Variants in B3GALT1 observed in about 807,000 individuals in gnomAD.
B3GALT1 encodes beta-1,3-galactosyltransferase 1.
A neutral mutation model predicts 23.2 loss-of-function variants in B3GALT1; 10 were observed. That is an observed-to-expected ratio of 0.43 (90% CI 0.27 to 0.73). The LOEUF (loss-of-function observed/expected upper bound fraction) is 0.73. Among genes scored for constraint, B3GALT1 ranks in the 30% least tolerant of loss-of-function variants. B3GALT1 has a pLI of 0.21. For synonymous variants in B3GALT1, 156 were observed against 141.5 expected, an observed-to-expected ratio of 1.10 and a Z score of -0.73; for missense variants, 299 against 405.4, an observed-to-expected ratio of 0.74 and a Z score of 2.25.
chr2:167,408,803 A>AC (rs1262828425), intron 1 of B3GALT1, among the ~76,000 whole-genome samples: 13 of 81,724 alleles, frequency 1.6e-4, no homozygotes, highest in Admixed American at 6.9e-4. Context: ...GTATACAAAA[A>AC]AAAAAAAAAA....
intron 2 of B3GALT1, among the ~76,000 whole-genome samples, chr2:167,583,316 G>C (rs1684521742): frequency 1.3e-5 from 2 of 152,044 alleles, no homozygotes; most frequent in African/African-American, 4.8e-5. Flanking sequence ...CTGCAAAAAA[G>C]CATCTTCTCT....
chr2:167,424,796 T>C (rs1421495963), intron 1 of B3GALT1, among the ~76,000 whole-genome samples: 1 of 152,194 alleles, frequency 6.6e-6, no homozygotes, highest in Non-Finnish European at 1.5e-5. Context: ...ATAACAATCA[T>C]AGAAGACTTA....
chr2:167,692,222 A>G (rs1010528854), intron 3 of B3GALT1, among the ~76,000 whole-genome samples: 2 of 151,938 alleles, frequency 1.3e-5, no homozygotes, highest in Non-Finnish European at 2.9e-5. Context: ...GTGGATATAT[A>G]ACATCATATA....
chr2:167,546,203 C>T (rs536500988), intron 2 of B3GALT1, among the ~76,000 whole-genome samples: 2 of 152,288 alleles, frequency 1.3e-5, no homozygotes, highest in African/African-American at 4.8e-5. Flanking sequence ...GCAGAGCTTC[C>T]AGTCACCTTC....
intron 1 of B3GALT1, among the ~76,000 whole-genome samples, chr2:167,339,582 A>G (rs1224826640): frequency 3.3e-5 from 5 of 152,122 alleles, no homozygotes; most frequent in African/African-American, 1.2e-4. Context: ...ATAAACATTT[A>G]CTTTTTAAGG....
At chr2:167,756,649 G>A (rs374325435) in intron 3 of B3GALT1, among the ~76,000 whole-genome samples, 4 of 152,260 alleles carry the variant, frequency 2.6e-5, no homozygotes, top group Non-Finnish European at 4.4e-5. Flanking sequence ...CTAAGCTTCC[G>A]GGGGTGGATA....
intron 1 of B3GALT1, among the ~76,000 whole-genome samples, chr2:167,320,301 T>G (rs1202575906): frequency 6.6e-6 from 1 of 151,732 alleles, no homozygotes; most frequent in Non-Finnish European, 1.5e-5. Context: ...GAGATTCTCC[T>G]GCCTCAGCCT....
chr2:167,342,551 C>T (rs1000979485), intron 1 of B3GALT1, among the ~76,000 whole-genome samples: 6 of 150,534 alleles, frequency 4.0e-5, no homozygotes, highest in Non-Finnish European at 7.4e-5. Context: ...GACTGTGCCA[C>T]TGCACTCCAG....
At chr2:167,364,030 G>A (rs967070519) in intron 1 of B3GALT1, among the ~76,000 whole-genome samples, 8 of 152,000 alleles carry the variant, frequency 5.3e-5, no homozygotes, top group African/African-American at 1.4e-4. Flanking sequence ...CAGGCATGGC[G>A]GCTGGCACCT....
intron 2 of B3GALT1, among the ~76,000 whole-genome samples, chr2:167,644,779 T>TAA (rs199652424): frequency 0.013 from 1,176 of 91,132 alleles, 24 homozygotes; most frequent in African/African-American, 0.05. Flanking sequence ...GACTCTGTCT[T>TAA]AAAAAAAAAA....
intron 2 of B3GALT1, among the ~76,000 whole-genome samples, chr2:167,575,253 T>C (rs1374928172): frequency 1.3e-5 from 2 of 151,944 alleles, no homozygotes; most frequent in African/African-American, 4.8e-5. Context: ...GATTCAGTTG[T>C]CAAATACTGA....
In B3GALT1 at chr2:167,320,650, A is replaced by G. The variant is rs550483269; in HGVS notation, c.-511+27316A>G. Among the ~76,000 whole-genome samples, 4 of 152,264 alleles carry G rather than the reference A, an allele frequency of 2.6e-5. No individual in the cohort carries two copies. The East Asian group carries it at 7.7e-4, about 29-fold the overall frequency. On this transcript the variant is annotated intron_variant, in intron 1 of 4. Transcript: ENST00000392690. Reference sequence around the variant, plus strand: ...CCCTCACCCCAGTTCATAGAAGCATAAAAACATTTTTAAGGCACTTGAAGT... The same window carrying G: ...CCCTCACCCCAGTTCATAGAAGCATGAAAACATTTTTAAGGCACTTGAAGT...
chr2:167,450,102 T>C (rs1181715090), intron 1 of B3GALT1, among the ~76,000 whole-genome samples: 4 of 152,176 alleles, frequency 2.6e-5, no homozygotes, highest in Non-Finnish European at 5.9e-5. Flanking sequence ...TGTTACCAGC[T>C]TCACAGAATG....
chr2:167,420,089 C>T (rs1052944166), intron 1 of B3GALT1, among the ~76,000 whole-genome samples: 1 of 152,168 alleles, frequency 6.6e-6, no homozygotes, highest in Admixed American at 6.6e-5. Context: ...CAAAGTGAAG[C>T]TCTAGAATGA....
chr2:167,789,944 T>A (rs1400031832), intron 3 of B3GALT1, among the ~76,000 whole-genome samples: 2 of 152,180 alleles, frequency 1.3e-5, no homozygotes, highest in East Asian at 3.9e-4. Context: ...TATTCTTTTA[T>A]TCTCTACACA....
At chr2:167,540,124 C>T (rs1191785971) in intron 2 of B3GALT1, among the ~76,000 whole-genome samples, 1 of 152,074 alleles carries the variant, frequency 6.6e-6, no homozygotes, top group African/African-American at 2.4e-5. Context: ...ATATTCTGTT[C>T]TTGTCTCCCC....
chr2:167,509,803 T>C (rs1464770369), intron 2 of B3GALT1, among the ~76,000 whole-genome samples: 1 of 152,126 alleles, frequency 6.6e-6, no homozygotes, highest in Non-Finnish European at 1.5e-5. Context: ...GAACTTGGCT[T>C]CAACTCAGAG....
rs7565127 is a variant in B3GALT1, at chr2:167,564,146, C to A, written c.-410+73869C>A. Among the ~76,000 whole-genome samples the A allele has an allele frequency of 4.2e-3, 628 of 149,580 alleles. 5 individuals are homozygous for A. Among genetic ancestry groups the A allele is most frequent in the African/African-American group, 0.014 (572 of 40,540 alleles). On this transcript the variant is annotated intron_variant, in intron 2 of 4. Transcript: ENST00000392690. ...GCGGAGGGGCTCCTCACTTCTCAGA[C>A]GGGGCGGTTGCCAGGCAGAGGGTCT...
At chr2:167,609,154 C>A (rs983641468) in intron 2 of B3GALT1, among the ~76,000 whole-genome samples, 1 of 152,084 alleles carries the variant, frequency 6.6e-6, no homozygotes, top group African/African-American at 2.4e-5. Flanking sequence ...AGAACCACAC[C>A]AACTGTCATG....
Sources: gnomAD v4.1 joint callset for allele counts (sites outside exome capture counted in the v4.1 genomes callset) on GRCh38, gnomAD v4.1.1 for gene constraint, MANE v1.5 for transcripts, NCBI Gene and HGNC (gene_info 2026-07-23, HGNC 2026-07-21) for gene names.